The following EPB41L4A variants were observed in gnomAD, a reference collection of about 807,000 sequenced individuals.
The protein encoded by EPB41L4A is erythrocyte membrane protein band 4.1 like 4A.
EPB41L4A carries 100 observed loss-of-function variants against 108.6 expected under a neutral mutation model. The ratio of observed to expected loss-of-function variants is 0.92; its 90% CI spans 0.78 to 1.09. EPB41L4A has a LOEUF of 1.09. EPB41L4A is among the 50% of genes least tolerant of loss of function. The pLI is 0.00. For missense variants in EPB41L4A, 1,030 were observed against 842.7 expected (o/e 1.22, Z -2.75); for synonymous variants, 319 against 289.0 (o/e 1.10, Z -1.05).
chr5:112,377,747 G>A (rs114370273), intron 1 of EPB41L4A, among the ~76,000 whole-genome samples: 2 of 152,160 alleles, frequency 1.3e-5, no homozygotes, highest in Admixed American at 6.5e-5. Flanking sequence ...CCTCTTCAGA[G>A]AAAGGTGCTA....
intron 13 of EPB41L4A, chr5:112,143,972 CT>C: frequency 2.5e-6 from 1 of 404,000 alleles, no homozygotes; most frequent in South Asian, 1.8e-5. Context: ...TATGGCCACC[CT>C]CCAATTCACC....
At chr5:112,398,603 G>A (rs1307503839) in intron 1 of EPB41L4A, among the ~76,000 whole-genome samples, 1 of 152,038 alleles carries the variant, frequency 6.6e-6, no homozygotes, top group Non-Finnish European at 1.5e-5. Context: ...TGCCCAGGCT[G>A]GTCTCAAACT....
At chr5:112,379,432 G>A (rs894002690) in intron 1 of EPB41L4A, among the ~76,000 whole-genome samples, 1 of 152,150 alleles carries the variant, frequency 6.6e-6, no homozygotes, top group African/African-American at 2.4e-5. Context: ...CCTAAGGGCA[G>A]ATTTTGATGA....
At chr5:112,205,211 G>A (rs1404440664) in intron 14 of EPB41L4A, among the ~76,000 whole-genome samples, 4 of 151,996 alleles carry the variant, frequency 2.6e-5, no homozygotes, top group Non-Finnish European at 4.4e-5. Context: ...GCCTTTCCAG[G>A]AAAAAGTTTC....
chr5:112,144,179 C>T (rs1370929090), intron 13 of EPB41L4A, among the ~76,000 whole-genome samples: 1 of 152,222 alleles, frequency 6.6e-6, no homozygotes, highest in African/African-American at 2.4e-5. Flanking sequence ...TAGATATGTA[C>T]TTTTAAGGAA....
At chr5:112,270,220 T>G (rs908238163) in intron 4 of EPB41L4A, among the ~76,000 whole-genome samples, 1 of 152,178 alleles carries the variant, frequency 6.6e-6, no homozygotes, top group African/African-American at 2.4e-5. Flanking sequence ...CAGTGCACCT[T>G]CTAATGACTT....
chr5:112,378,221 A>G (rs1265859539), intron 1 of EPB41L4A, among the ~76,000 whole-genome samples: 2 of 152,162 alleles, frequency 1.3e-5, no homozygotes, highest in African/African-American at 2.4e-5. Flanking sequence ...GTCAGGCCAC[A>G]CTACCATCTG....
intron 1 of EPB41L4A, among the ~76,000 whole-genome samples, chr5:112,368,116 A>G (rs949926257): frequency 1.3e-5 from 2 of 152,238 alleles, no homozygotes; most frequent in African/African-American, 4.8e-5. Context: ...CAAAGGAAAC[A>G]CATTTTCTCG....
At chr5:112,166,527 A>G (rs1212212909) in intron 22 of EPB41L4A, among the ~76,000 whole-genome samples, 1 of 152,110 alleles carries the variant, frequency 6.6e-6, no homozygotes, top group Non-Finnish European at 1.5e-5. Context: ...AGCCACTCAC[A>G]TGGCTAGCTC....
At chr5:112,141,918 C>G (rs571577383), downstream of EPB41L4A, among the ~76,000 whole-genome samples, 5 of 152,196 alleles carry the variant, frequency 3.3e-5, no homozygotes, top group African/African-American at 9.6e-5. Context: ...AGGTGACCAC[C>G]CTCCTCCCCC....
intron 1 of EPB41L4A, among the ~76,000 whole-genome samples, chr5:112,391,247 T>G (rs1016469869): frequency 6.6e-6 from 1 of 152,190 alleles, no homozygotes; most frequent in African/African-American, 2.4e-5. Context: ...AGAAGTAGGC[T>G]TCAGAAGGCT....
intron 1 of EPB41L4A, among the ~76,000 whole-genome samples, chr5:112,312,424 T>C (rs1052341063): frequency 2.0e-5 from 3 of 152,124 alleles, no homozygotes; most frequent in Admixed American, 1.3e-4. Flanking sequence ...GCATCCAGTG[T>C]TATGCAACAA....
At chr5:112,366,134 T>C (rs760951607) in intron 1 of EPB41L4A, among the ~76,000 whole-genome samples, 1 of 152,106 alleles carries the variant, frequency 6.6e-6, no homozygotes, top group Non-Finnish European at 1.5e-5. Context: ...CAAGGCATTC[T>C]TGTCCCAGGC....
At position 112,262,509 on chromosome 5, in the gene EPB41L4A, G is replaced by A. The variant is rs1751564586; in HGVS notation, c.627C>T (p.Asp209=). The change falls in exon 7 of 23, where the codon GAC becomes GAT. Residue 209 remains aspartate (D), a synonymous_variant. Coordinates refer to ENST00000261486, the MANE Select transcript of EPB41L4A (RefSeq NM_022140.5). Reference sequence around the variant, plus strand: ...TGTTACTCACATAGACGGGATGGAGGTCAACGCCATACATCTCCAGGGATT... The same window carrying A: ...TGTTACTCACATAGACGGGATGGAGATCAACGCCATACATCTCCAGGGATT... ...TAKSLEMYGV[D]LHPVYGENKS... is the part of the protein sequence containing the mutation. 1 of 1,613,782 alleles carries A rather than the reference G, an allele frequency of 6.2e-7. No individual in the cohort carries two copies. Among genetic ancestry groups the A allele is most frequent in the Non-Finnish European group, 8.5e-7 (1 of 1,179,758 alleles).
intron 1 of EPB41L4A, among the ~76,000 whole-genome samples, chr5:112,387,354 C>T (rs772300270): frequency 7.9e-5 from 12 of 152,294 alleles, no homozygotes; most frequent in East Asian, 1.9e-4. Flanking sequence ...GGGTTGGGCA[C>T]GGTGGCTCAC....
chr5:112,287,392 G>A (rs1271206720), intron 2 of EPB41L4A, among the ~76,000 whole-genome samples: 1 of 152,130 alleles, frequency 6.6e-6, no homozygotes, highest in Non-Finnish European at 1.5e-5. Flanking sequence ...AAATCTTGTT[G>A]GCTCTATGTT....
chr5:112,159,712 A>C (rs1316596334), downstream of EPB41L4A, among the ~76,000 whole-genome samples: 1 of 152,156 alleles, frequency 6.6e-6, no homozygotes, highest in African/African-American at 2.4e-5. Context: ...TAGCCCCATG[A>C]GCTACTGAAC....
intron 12 of EPB41L4A, among the ~76,000 whole-genome samples, chr5:112,213,631 G>A (rs540439297): frequency 6.6e-6 from 1 of 152,174 alleles, no homozygotes; most frequent in Non-Finnish European, 1.5e-5. Context: ...TGGGATAACA[G>A]GCATGAGCCA....
intron 2 of EPB41L4A, among the ~76,000 whole-genome samples, chr5:112,297,087 G>A (rs1754037975): frequency 1.3e-5 from 2 of 152,060 alleles, no homozygotes; most frequent in Admixed American, 1.3e-4. Context: ...ATTGTGAACT[G>A]TGCTGCTATA....
Sources: gnomAD v4.1 joint callset for allele counts (sites outside exome capture counted in the v4.1 genomes callset) on GRCh38, gnomAD v4.1.1 for gene constraint, MANE v1.5 for transcripts, NCBI Gene and HGNC (gene_info 2026-07-23, HGNC 2026-07-21) for gene names.